ACTR3B: variants seen among roughly 807,000 people sequenced by gnomAD.
ACTR3B encodes actin related protein 3B.
Under a neutral mutation model 59.0 loss-of-function variants are expected in ACTR3B, and 8 were observed. That is an observed-to-expected ratio of 0.14 (90% CI 0.08 to 0.24). ACTR3B has a LOEUF of 0.24. ACTR3B is among the 10% of genes least tolerant of loss of function. ACTR3B has a pLI of 1.00. For synonymous variants in ACTR3B, 148 were observed against 197.9 expected, an observed-to-expected ratio of 0.75 and a Z score of 2.12; for missense variants, 245 against 552.3, an observed-to-expected ratio of 0.44 and a Z score of 5.58.
chr7:152,811,581 T>C (rs1300653097), intron 4 of ACTR3B: 2 of 152,254 alleles, frequency 1.3e-5, no homozygotes, highest in African/African-American at 4.8e-5. Context: ...ATTTTTTAAC[T>C]GAAGACTTGT....
At chr7:152,846,132 A>G (rs1317218607) in intron 9 of ACTR3B, among the ~76,000 whole-genome samples, 2 of 151,890 alleles carry the variant, frequency 1.3e-5, no homozygotes, top group Non-Finnish European at 2.9e-5. Flanking sequence ...TGCAGTCTGC[A>G]GTGAGCTCTA....
chr7:152,835,095 T>C (rs1797339103), intron 9 of ACTR3B, among the ~76,000 whole-genome samples: 1 of 152,188 alleles, frequency 6.6e-6, no homozygotes, highest in Non-Finnish European at 1.5e-5. Flanking sequence ...TTTTGGCTTT[T>C]GTGGGAAGCG....
At chr7:152,839,335 G>A (rs1234051935) in intron 9 of ACTR3B, among the ~76,000 whole-genome samples, 4 of 140,314 alleles carry the variant, frequency 2.9e-5, no homozygotes, top group African/African-American at 8.8e-5. Context: ...TGCAGGTGTG[G>A]ATGCCACGTG....
intron 9 of ACTR3B, among the ~76,000 whole-genome samples, chr7:152,835,480 A>G (rs570442067): frequency 1.3e-4 from 20 of 152,310 alleles, no homozygotes; most frequent in Non-Finnish European, 2.4e-4. Context: ...TAAGTGTATA[A>G]TAGCATTATG....
Position 152,823,407 on chromosome 7 carries a change from G to A in ACTR3B, c.750G>A (p.Arg250=), listed in dbSNP as rs761179223. The A allele has an allele frequency of 9.3e-6, 15 of 1,614,118 alleles. No homozygotes were observed. The South Asian group carries it at 1.5e-4, about 17-fold the overall frequency. The part of the protein sequence containing the change: ...KEFAKYDVDP[R]KWIKQYTGIN... ...TTGCCAAGTATGATGTGGATCCCCG[G>A]AAGTGGATCAAACAGTACACGGGTA... Residue 250 remains arginine, a synonymous_variant, in exon 8 of 12, where the codon CGG becomes CGA. Transcript: ENST00000256001.
intron 9 of ACTR3B, among the ~76,000 whole-genome samples, chr7:152,842,285 A>C (rs1006897737): frequency 6.6e-6 from 1 of 152,236 alleles, no homozygotes; most frequent in Non-Finnish European, 1.5e-5. Context: ...AATATGGATC[A>C]GTTATAACAG....
At chr7:152,814,697 G>A (rs752082439) in intron 5 of ACTR3B, 52 bp downstream of exon 5, 35 of 1,448,716 alleles carry the variant, frequency 2.4e-5, no homozygotes, top group East Asian at 4.6e-5. Context: ...GTCTAGTAGC[G>A]GAAGAAATGG....
At chr7:152,816,132 A>G (rs994802130) in intron 5 of ACTR3B, among the ~76,000 whole-genome samples, 15 of 152,142 alleles carry the variant, frequency 9.9e-5, no homozygotes, top group African/African-American at 3.6e-4. Flanking sequence ...TTATTTGTAG[A>G]GATGGGGTTT....
At chr7:152,790,991 A>G (rs113948397) in intron 2 of ACTR3B, among the ~76,000 whole-genome samples, 2 of 150,452 alleles carry the variant, frequency 1.3e-5, no homozygotes, top group African/African-American at 2.4e-5. Context: ...TTGACTGCAG[A>G]GCTTGTTAGA....
intron 4 of ACTR3B, among the ~76,000 whole-genome samples, chr7:152,805,340 G>A (rs1295413414): frequency 1.3e-5 from 2 of 152,092 alleles, no homozygotes; most frequent in East Asian, 1.9e-4. Context: ...TGCTGAGGTC[G>A]AAGCGTCTGA....
chr7:152,839,294 G>A (rs576298534), intron 9 of ACTR3B, among the ~76,000 whole-genome samples: 113 of 142,836 alleles, frequency 7.9e-4, no homozygotes, highest in Admixed American at 3.1e-3. Flanking sequence ...TGTTGAGTGC[G>A]TGGATCCTGC....
At chr7:152,833,695 A>G (rs1036007693) in intron 9 of ACTR3B, among the ~76,000 whole-genome samples, 1 of 152,196 alleles carries the variant, frequency 6.6e-6, no homozygotes, top group Non-Finnish European at 1.5e-5. Context: ...TGCTGTTAAT[A>G]TAGATTTTAT....
At chr7:152,818,629 A>G (rs1016715494) in intron 6 of ACTR3B, among the ~76,000 whole-genome samples, 4 of 152,210 alleles carry the variant, frequency 2.6e-5, no homozygotes, top group Admixed American at 2.6e-4. Flanking sequence ...TTGTATTTTT[A>G]GTAGAGATGG....
Position 152,823,294 on chromosome 7 carries a change from C to T in ACTR3B, c.685-48C>T, listed in dbSNP as rs757254598. 4.9e-5 allele frequency: 79 copies of T among 1,600,658 alleles called. 1 individual carries two copies. In the East Asian group the frequency reaches 1.3e-3, roughly 27 times the overall value. On this transcript the variant is annotated intron_variant, in intron 7 of 11. Transcript: ENST00000256001. The stretch of plus-strand genomic sequence containing the variant: ...CTGGTTATTTGTCTGAGGGCAGAGA[C>T]ACTGGGCAGTTGTTAATGCCTGGCA...
chr7:152,824,956 C>T lies in ACTR3B; in HGVS notation c.859-74C>T. The stretch of plus-strand genomic sequence containing the variant: ...ATAAATTGTATATTTGTTAAAGTTA[C>T]TTTAAAGAAGTGTGCATGTTGTTCT... On this transcript the variant is annotated intron_variant, in intron 8 of 11. Transcript: ENST00000256001. This position sits in a 1 kb window ranked among gnomAD's most constrained non-coding sequence, Gnocchi z 4.2. 6 of 1,460,406 alleles carry T rather than the reference C, an allele frequency of 4.1e-6. No homozygotes were observed. The highest frequency in any genetic ancestry group is 5.6e-6 in the Non-Finnish European group (6 of 1,072,464). The allele number at this position is 1,460,406 out of a possible 1,614,324, so 90.5% of individuals were successfully genotyped here. A position where few individuals can be genotyped will look rare whatever the true frequency, so the allele number is the denominator to read the frequency against.
intron 1 of ACTR3B, among the ~76,000 whole-genome samples, chr7:152,771,088 C>T (rs1005453316): frequency 9.3e-5 from 14 of 150,802 alleles, no homozygotes; most frequent in African/African-American, 2.7e-4. Flanking sequence ...CTCAGCCTCC[C>T]GAGTAGCTAG....
Position 152,825,113 on chromosome 7 carries a change from G to T in ACTR3B, c.942G>T (p.Pro314=), listed in dbSNP as rs141764620. Residue 314 remains proline, a synonymous_variant, in exon 9 of 12, where the codon CCG becomes CCT. Coordinates refer to ENST00000256001, the MANE Select transcript of ACTR3B (RefSeq NM_020445.6). ...ACTGCCCCATCGATGTGCGGCGCCCGCTGTATAAGGTATGAGCTGCCTGGG... is the reference window on the plus strand; with the variant it reads ...ACTGCCCCATCGATGTGCGGCGCCCTCTGTATAAGGTATGAGCTGCCTGGG... The part of the protein sequence containing the change: ...IQNCPIDVRR[P]LYKNVVLSGG... 7 of 1,613,434 alleles carry T rather than the reference G, an allele frequency of 4.3e-6. No individual in the cohort carries two copies. The highest frequency in any genetic ancestry group is 5.9e-6 in the Non-Finnish European group (7 of 1,179,678).
chr7:152,833,210 A>G (rs554668582), intron 9 of ACTR3B, among the ~76,000 whole-genome samples: 1 of 152,318 alleles, frequency 6.6e-6, no homozygotes, highest in South Asian at 2.1e-4. Context: ...ACGTGTGGGT[A>G]ATCCTTGTAA....
intron 1 of ACTR3B, among the ~76,000 whole-genome samples, chr7:152,778,720 C>T (rs1590221834): frequency 2.6e-5 from 4 of 151,294 alleles, no homozygotes; most frequent in African/African-American, 9.7e-5. Flanking sequence ...TGGGAGGATC[C>T]CTTGAGCCCA....
Sources: gnomAD v4.1 joint callset for allele counts (sites outside exome capture counted in the v4.1 genomes callset) on GRCh38, gnomAD v4.1.1 for gene constraint, Gnocchi (gnomAD v3.1) non-coding constraint, MANE v1.5 for transcripts, NCBI Gene and HGNC (gene_info 2026-07-23, HGNC 2026-07-21) for gene names.